Variants in NOTCH2 observed in about 807,000 individuals in gnomAD.
NOTCH2 encodes the protein notch receptor 2.
Under a neutral mutation model 235.8 loss-of-function variants are expected in NOTCH2, and 29 were observed. That is an observed-to-expected ratio of 0.12 (90% CI 0.09 to 0.17). NOTCH2 has a LOEUF of 0.17. Among genes scored for constraint, NOTCH2 ranks in the 10% least tolerant of loss-of-function variants. The probability of loss-of-function intolerance (pLI) is 1.00; values close to 1 mark genes in which losing one functional copy is unlikely to be tolerated. For synonymous variants in NOTCH2, 1,086 were observed against 1,141.5 expected, an observed-to-expected ratio of 0.95 and a Z score of 0.98; for missense variants, 2,285 against 3,150.2, an observed-to-expected ratio of 0.73 and a Z score of 6.57.
chr1:119,969,590 G>A lies in NOTCH2; in HGVS notation c.1029C>T (p.Ala343=). The A allele has an allele frequency of 6.2e-7, 1 of 1,614,058 alleles. No individual in the cohort carries two copies. Among genetic ancestry groups the A allele is most frequent in the East Asian group, 2.2e-5 (1 of 44,858 alleles). The stretch of plus-strand genomic sequence containing the variant: ...TGGAGCCTGGAGTACAGGAGGCGAA[G>A]GCACAATCATCAATGTTCTCACTGC... ...DDCSENIDDC[A]FASCTPGSTC... is the part of the protein sequence containing the mutation. Residue 343 remains alanine (A), a synonymous_variant, in exon 6 of 34, where the codon GCC becomes GCT. Transcript: ENST00000256646.
intron 11 of NOTCH2, among the ~76,000 whole-genome samples, chr1:119,962,505 T>C (rs1236463994): frequency 6.6e-6 from 1 of 152,210 alleles, no homozygotes; most frequent in Non-Finnish European, 1.5e-5. Flanking sequence ...ATGTTTTTCG[T>C]ATGCTTGAGC....
intron 1 of NOTCH2, chr1:120,068,875 G>T (rs782764484): frequency 2.9e-6 from 2 of 682,310 alleles, no homozygotes; most frequent in African/African-American, 4.4e-5. Context: ...GGCGAGGCTG[G>T]CTGCGACGGT....
intron 18 of NOTCH2, 52 bp from the exon 19 acceptor site, chr1:119,940,808 C>T (rs149906053): frequency 8.1e-6 from 12 of 1,487,970 alleles, no homozygotes; most frequent in Non-Finnish European, 1.1e-5. Context: ...CTGTGACTTA[C>T]TACTACAAAG....
chr1:119,940,785 A>G, intron 18 of NOTCH2, 29 bp from the exon 19 acceptor site: 1 of 1,587,408 alleles, frequency 6.3e-7, no homozygotes, highest in Non-Finnish European at 8.7e-7. Flanking sequence ...AACATCAGCT[A>G]TGTATCTGGT....
chr1:119,963,451 G>C, intron 11 of NOTCH2, 123 bp downstream of exon 11: 1 of 933,362 alleles, frequency 1.1e-6, no homozygotes, highest in Middle Eastern at 2.3e-4. Flanking sequence ...CTTTGGCTGT[G>C]CTTCTCAGAA....
chr1:119,957,677 TA>T (rs1650756792), intron 12 of NOTCH2, among the ~76,000 whole-genome samples: 1 of 152,162 alleles, frequency 6.6e-6, no homozygotes, highest in Admixed American at 6.5e-5. Flanking sequence ...TTCTTGCTTA[TA>T]AGGTTTCATG....
In NOTCH2 at chr1:119,915,584, C is replaced by T. The variant is rs1649036022; in HGVS notation, c.7138G>A (p.Val2380Met). The change falls in exon 34 of 34, where the codon GTG becomes ATG. Residue 2380 changes from valine (V) to methionine (M), a missense_variant. Transcript: ENST00000256646. ...LPAYHPFPAS[V>M]GKYPTPPSQH... Reference sequence around the variant, plus strand: ...GAAGGGGGTGTGGGGTACTTGCCCACAGAGGCTGGGAAAGGATGATAGGCT... The same window carrying T: ...GAAGGGGGTGTGGGGTACTTGCCCATAGAGGCTGGGAAAGGATGATAGGCT... 1 of 1,613,888 alleles carries T rather than the reference C, an allele frequency of 6.2e-7. No homozygotes were observed. Among genetic ancestry groups the T allele is most frequent in the Admixed American group, 1.7e-5 (1 of 60,010 alleles).
Position 119,967,985 on chromosome 1 carries a change from TA to T in NOTCH2, c.1264+91del, listed in dbSNP as rs1218784155. On this transcript the variant is annotated intron_variant, in intron 7 of 33. Coordinates refer to ENST00000256646, the MANE Select transcript of NOTCH2 (RefSeq NM_024408.4). The stretch of plus-strand genomic sequence containing the variant: ...GAGTAATCTGAGGTTTGGGTGTATG[TA>T]ATTTGCTTCTACAGTAAAATGTGCT... The T allele has an allele frequency of 8.4e-6, 12 of 1,425,830 alleles. No individual in the cohort carries two copies. In the African/African-American group the frequency reaches 1.5e-4, roughly 18 times the overall value. The allele number at this position is 1,425,830 out of a possible 1,614,324, so 88.3% of individuals were successfully genotyped here.
At chr1:120,065,730 AAAG>A (rs1655480851) in intron 1 of NOTCH2, among the ~76,000 whole-genome samples, 1 of 152,316 alleles carries the variant, frequency 6.6e-6, no homozygotes, top group South Asian at 2.1e-4. Context: ...CAAAGAAAGA[AAAG>A]AAGACCTTTT....
At chr1:119,935,763 T>C (rs1481563505) in intron 21 of NOTCH2, among the ~76,000 whole-genome samples, 159 bp from the exon 22 acceptor site, 1 of 152,208 alleles carries the variant, frequency 6.6e-6, no homozygotes, top group Non-Finnish European at 1.5e-5. Flanking sequence ...TGCTAATCAT[T>C]CTATGCAGGG....
intron 17 of NOTCH2, among the ~76,000 whole-genome samples, chr1:119,943,712 G>A (rs1490494136): frequency 1.3e-5 from 2 of 152,112 alleles, no homozygotes; most frequent in Non-Finnish European, 2.9e-5. Context: ...CATTCAAAAT[G>A]AGTAGAAAAA....
chr1:120,041,041 C>CAAAAAAAAAAAAAAAAAAA (rs71586698), intron 1 of NOTCH2, among the ~76,000 whole-genome samples: 1 of 15,670 alleles, frequency 6.4e-5, no homozygotes, highest in Non-Finnish European at 1.1e-4. Context: ...ACTCTGCCTG[C>CAAAAAAAAAAAAAAAAAAA]AAAAAAAAAA....
chr1:120,003,627 T>C (rs1220184326), intron 3 of NOTCH2, among the ~76,000 whole-genome samples: 1 of 151,518 alleles, frequency 6.6e-6, no homozygotes, highest in Admixed American at 6.6e-5. Flanking sequence ...TTTTCTCATC[T>C]AATTTAATAA....
chr1:119,950,419 G>A (rs1481899972), intron 15 of NOTCH2: 5 of 530,428 alleles, frequency 9.4e-6, no homozygotes, highest in Non-Finnish European at 1.8e-5. Context: ...CTAATGTCCT[G>A]GAAACATTCA....
chr1:119,963,566 G>A lies in NOTCH2; in HGVS notation c.1915+8C>T, dbSNP rs2101136537. 6.2e-7 allele frequency: 1 copy of A among 1,608,944 alleles called. No homozygotes were observed. Among genetic ancestry groups the A allele is most frequent in the East Asian group, 2.2e-5 (1 of 44,852 alleles). ...ACCCCATACCAAACATAAACAGAGT[G>A]GGCTTACCTGACGTGCCTGGCTGGC... On this transcript the variant is annotated splice_region_variant and intron_variant, in intron 11 of 33. Coordinates refer to ENST00000256646, the MANE Select transcript of NOTCH2 (RefSeq NM_024408.4).
intron 2 of NOTCH2, among the ~76,000 whole-genome samples, chr1:120,012,760 T>C (rs1690004): frequency 3.3e-5 from 5 of 152,284 alleles, no homozygotes; most frequent in Non-Finnish European, 5.9e-5. Context: ...TGCAATGAAA[T>C]AGTACTTAAC....
intron 31 of NOTCH2, 32 bp downstream of exon 31, chr1:119,919,280 A>G (rs1214180049): frequency 6.3e-7 from 1 of 1,581,922 alleles, no homozygotes; most frequent in African/African-American, 1.3e-5. Context: ...CATAGGAATT[A>G]TTATTCAAGT....
chr1:119,948,663 T>G, intron 16 of NOTCH2, 97 bp from the exon 17 acceptor site: 5 of 1,399,958 alleles, frequency 3.6e-6, no homozygotes, highest in South Asian at 1.2e-5. Context: ...CATGGAGCTA[T>G]TCCACAGACA....
intron 25 of NOTCH2, 35 bp from the exon 26 acceptor site, chr1:119,924,019 C>T (rs1649377430): frequency 6.5e-7 from 1 of 1,538,776 alleles, no homozygotes; most frequent in African/African-American, 1.4e-5. Context: ...GGCAAAAGAG[C>T]TCAGATTAGA....
Sources: allele counts gnomAD v4.1 joint callset (sites outside exome capture counted in the v4.1 genomes callset), GRCh38; gene constraint gnomAD v4.1.1; transcripts MANE v1.5; gene names NCBI Gene and HGNC (gene_info 2026-07-23, HGNC 2026-07-21).